The following ADGRL1 variants were observed in gnomAD, a reference collection of about 807,000 sequenced individuals.
ADGRL1 encodes the protein adhesion G protein-coupled receptor L1.
A neutral mutation model predicts 148.9 loss-of-function variants in ADGRL1; 31 were observed. The ratio of observed to expected loss-of-function variants is 0.21; its 90% confidence interval spans 0.16 to 0.28. ADGRL1 has a LOEUF of 0.28. Ranked by LOEUF, ADGRL1 falls within the 10% of genes least tolerant of loss-of-function variation. The pLI, the probability that ADGRL1 is intolerant of heterozygous loss-of-function variation, is 1.00. For synonymous variants in ADGRL1, 937 were observed against 900.3 expected (o/e 1.04, Z -0.73); for missense variants, 1,521 against 2,058.8 (o/e 0.74, Z 5.05).
At chr19:14,198,034 A>C in intron 1 of ADGRL1, among the ~76,000 whole-genome samples, 1 of 152,104 alleles carries the variant, frequency 6.6e-6, no homozygotes, top group Non-Finnish European at 1.5e-5. Flanking sequence ...TGAGGAGGTG[A>C]GCCATCTAGG....
chr19:14,152,087 C>A lies in ADGRL1; in HGVS notation c.3667+46G>T. On this transcript the variant is annotated intron_variant, in intron 22 of 22. Coordinates refer to ENST00000361434, the MANE Select transcript of ADGRL1 (RefSeq NM_014921.5). The surrounding 1 kb of genome is among the most constrained non-coding windows in gnomAD (Gnocchi z 6.1). ...GCCGTCTGAGAAGGCCACTGTCTGT[C>A]CCTCTCCCAGCCTCAGAAACATCCC... is the stretch of plus-strand genomic sequence containing the variant. 1 of 1,575,422 alleles carries A rather than the reference C, an allele frequency of 6.3e-7. No individual in the cohort carries two copies. The highest frequency in any genetic ancestry group is 8.7e-7 in the Non-Finnish European group (1 of 1,144,698).
intron 3 of ADGRL1, among the ~76,000 whole-genome samples, chr19:14,175,533 T>C (rs1425943844): frequency 6.6e-6 from 1 of 151,216 alleles, no homozygotes; most frequent in Non-Finnish European, 1.5e-5. Flanking sequence ...TATAACCACA[T>C]ATTCACCCAC....
rs1969520188 is a variant in ADGRL1, at chr19:14,162,676, C to G, written c.1125G>C (p.Gln375His). Residue 375 changes from glutamine to histidine, a missense_variant, in exon 5 of 23, where the codon CAG (glutamine) becomes CAC (histidine). By Grantham distance (24) the Gln-to-His change is conservative. Coordinates refer to ENST00000361434, the MANE Select transcript of ADGRL1 (RefSeq NM_014921.5). This position sits in a 1 kb window ranked among gnomAD's most constrained non-coding sequence, Gnocchi z 5.4. ...CGAAATAGTTGTTCCAGACGTACAG[C>G]TGGTTGTCGCGAGGGTTGTAGTCAA... ...SSVDYNPRDN[Q>H]LYVWNNYFVV... The G allele has an allele frequency of 6.2e-6, 10 of 1,614,038 alleles. No individual in the cohort carries two copies. The highest frequency in any genetic ancestry group is 8.5e-6 in the Non-Finnish European group (10 of 1,179,972).
rs147565155 is a variant in ADGRL1 at position 14,201,377 on chromosome 19, C to T, written c.-96+4608G>A. Among the ~76,000 whole-genome samples, 969 of 143,144 alleles carry T rather than the reference C, an allele frequency of 6.8e-3. 14 individuals carry two copies. Among genetic ancestry groups the T allele is most frequent in the African/African-American group, 0.023 (890 of 37,998 alleles). 93.9% of individuals were successfully genotyped at this position (143,144 alleles called of 152,430 possible). On this transcript the variant is annotated intron_variant, in intron 1 of 22. Transcript: ENST00000361434. ...GCATCTATTTATTGAATTTTTATCT[C>T]CCCCCAAATTTTGGAACAGGAGACA...
At position 14,160,117 on chromosome 19, in the gene ADGRL1, TGTA is replaced by T. The variant is rs1969199254; in HGVS notation, c.1792_1794del (p.Tyr598del). ...GCGCCACCGCCAGGCCCCACCTTGT[TGTA>T]GTTCTTGCCGGCTGACTCGCGCTCG... On this transcript the variant is annotated inframe_deletion, in exon 8 of 23. Transcript: ENST00000361434. The surrounding 1 kb of genome is among the most constrained non-coding windows in gnomAD (Gnocchi z 5.9). 3 of 1,581,350 alleles carry T rather than the reference TGTA, an allele frequency of 1.9e-6. No individual in the cohort carries two copies. Among genetic ancestry groups the T allele is most frequent in the Non-Finnish European group, 2.6e-6 (3 of 1,154,990 alleles).
Position 14,152,495 on chromosome 19 carries a change from A to G in ADGRL1, c.3520+22T>C. On this transcript the variant is annotated intron_variant, in intron 20 of 22. Transcript: ENST00000361434. The surrounding 1 kb of genome is among the most constrained non-coding windows in gnomAD (Gnocchi z 6.1). ...GGGAGCCTCCAGAGACTGAAGCCAG[A>G]GGCAGAAGGATGCCTTCTCACCTCG... is the stretch of plus-strand genomic sequence containing the variant. The G allele has an allele frequency of 6.2e-7, 1 of 1,612,928 alleles. No individual in the cohort carries two copies. Among genetic ancestry groups the G allele is most frequent in the Non-Finnish European group, 8.5e-7 (1 of 1,179,032 alleles).
At chr19:14,153,182 A>G (rs1445485616) in intron 18 of ADGRL1, among the ~76,000 whole-genome samples, 2 of 152,198 alleles carry the variant, frequency 1.3e-5, no homozygotes, top group African/African-American at 4.8e-5. Flanking sequence ...CATAAAATCA[A>G]CAGAGCATTA....
chr19:14,160,409 A>G lies in ADGRL1; in HGVS notation c.1615-112T>C, dbSNP rs1969235242. The G allele has an allele frequency of 9.3e-7, 1 of 1,070,328 alleles. No homozygotes were observed. Among genetic ancestry groups the G allele is most frequent in the Non-Finnish European group, 1.3e-6 (1 of 751,124 alleles). The allele number at this position is 1,070,328 out of a possible 1,614,324, so 66.3% of individuals were successfully genotyped here. A position where few individuals can be genotyped will look rare whatever the true frequency, so the allele number is the denominator to read the frequency against. On this transcript the variant is annotated intron_variant, in intron 7 of 22. Transcript: ENST00000361434. This position sits in a 1 kb window ranked among gnomAD's most constrained non-coding sequence, Gnocchi z 5.9. ...CTCCTATCTCTCTCTCCACTTCCCCATCGCCATCTGCCCCTTCCCACCCCA... is the reference window on the plus strand; with the variant it reads ...CTCCTATCTCTCTCTCCACTTCCCCGTCGCCATCTGCCCCTTCCCACCCCA...
intron 2 of ADGRL1, among the ~76,000 whole-genome samples, chr19:14,179,308 A>C (rs947319708): frequency 4.6e-5 from 7 of 151,880 alleles, no homozygotes; most frequent in Non-Finnish European, 8.8e-5. Flanking sequence ...TCCTGGCTAA[A>C]ACGGTGAAAC....
chr19:14,165,187 T>G (rs959034933), intron 4 of ADGRL1, among the ~76,000 whole-genome samples: 2 of 152,006 alleles, frequency 1.3e-5, no homozygotes, highest in African/African-American at 4.8e-5. Context: ...GCAGCCAGGA[T>G]GTAGTTTTTG....
In ADGRL1 at chr19:14,151,049, G is replaced by C; in HGVS notation, c.4234C>G (p.Pro1412Ala). 6.7e-7 allele frequency: 1 copy of C among 1,503,682 alleles called. No individual in the cohort carries two copies. The highest frequency in any genetic ancestry group is 8.9e-7 in the Non-Finnish European group (1 of 1,122,696). The allele number at this position is 1,503,682 out of a possible 1,614,324, so 93.1% of individuals were successfully genotyped here. The change falls in exon 23 of 23, where the codon CCC (proline) becomes GCC (alanine). Residue 1412 changes from proline (P) to alanine (A), a missense_variant. Pro to Ala is a conservative substitution (Grantham distance 27, BLOSUM62 -1). Coordinates refer to ENST00000361434, the MANE Select transcript of ADGRL1 (RefSeq NM_014921.5). Reference sequence around the variant, plus strand: ...GTGTAGTAGATTTCGGGGGGGCCGGGGGGTGCGGGAGGGGGTGGGGGCAGG... The same window carrying C: ...GTGTAGTAGATTTCGGGGGGGCCGGCGGGTGCGGGAGGGGGTGGGGGCAGG... ...EALPPPPPAPPGPPEIYYTSR... is the reference protein window; with the variant it reads ...EALPPPPPAPAGPPEIYYTSR...
intron 15 of ADGRL1, 49 bp downstream of exon 15, chr19:14,156,876 C>T: frequency 6.3e-7 from 1 of 1,591,962 alleles, no homozygotes; most frequent in East Asian, 2.3e-5. Flanking sequence ...GGGTGCCGCC[C>T]AGCAGGGAAC....
chr19:14,188,272 T>C (rs1016248369), intron 1 of ADGRL1, among the ~76,000 whole-genome samples: 1 of 151,948 alleles, frequency 6.6e-6, no homozygotes, highest in Non-Finnish European at 1.5e-5. Context: ...TTCTGCAGGG[T>C]TCTGGTAAGG....
In ADGRL1 at chr19:14,162,039, T is replaced by C. The variant is rs553070425; in HGVS notation, c.1196-413A>G. Among the ~76,000 whole-genome samples the C allele has an allele frequency of 2.6e-5, 4 of 152,268 alleles. No individual in the cohort carries two copies. The highest frequency in any genetic ancestry group is 2.1e-4 in the South Asian group (1 of 4,814). On this transcript the variant is annotated intron_variant, in intron 5 of 22. Coordinates refer to ENST00000361434, the MANE Select transcript of ADGRL1 (RefSeq NM_014921.5). This position sits in a 1 kb window ranked among gnomAD's most constrained non-coding sequence, Gnocchi z 5.4. The stretch of plus-strand genomic sequence containing the variant: ...CCTCGTTCTAGCTGACTTTGGCTTA[T>C]GTAACCTGGCTATGCTCCTTCCTTC...
intron 2 of ADGRL1, among the ~76,000 whole-genome samples, chr19:14,178,787 T>C (rs908024562): frequency 6.6e-6 from 1 of 152,180 alleles, no homozygotes; most frequent in Non-Finnish European, 1.5e-5. Flanking sequence ...GCTAGGATTA[T>C]GGGCCTGAGT....
At chr19:14,166,046 G>A (rs1487202792) in intron 4 of ADGRL1, among the ~76,000 whole-genome samples, 1 of 152,006 alleles carries the variant, frequency 6.6e-6, no homozygotes, top group Admixed American at 6.6e-5. Flanking sequence ...CATCCACTAG[G>A]GAGTTCTCTG....
At chr19:14,176,647 G>T (rs1442114889) in intron 3 of ADGRL1, among the ~76,000 whole-genome samples, 1 of 151,866 alleles carries the variant, frequency 6.6e-6, no homozygotes, top group Non-Finnish European at 1.5e-5. Flanking sequence ...GACCAGCCTG[G>T]GCAACATAGC....
intron 4 of ADGRL1, 122 bp downstream of exon 4, chr19:14,170,560 G>A (rs964344234): frequency 4.1e-5 from 26 of 628,334 alleles, no homozygotes; most frequent in African/African-American, 3.5e-4. Context: ...GAGCAGGCCC[G>A]GCTGTCCCCA....
rs193249314 is a variant in ADGRL1 at position 14,152,697 on chromosome 19, G to A, written c.3424-84C>T. The A allele has an allele frequency of 2.0e-5, 32 of 1,595,900 alleles. No individual in the cohort carries two copies. Among genetic ancestry groups the A allele is most frequent in the Admixed American group, 5.0e-5 (3 of 59,686 alleles). On this transcript the variant is annotated intron_variant, in intron 19 of 22. Transcript: ENST00000361434. This position sits in a 1 kb window ranked among gnomAD's most constrained non-coding sequence, Gnocchi z 6.1. ...CTGAGACTGCTCACCTGATCATCAC[G>A]ATCAGAAACCTAGGCCAAGCCACTC...
Sources: gnomAD v4.1 joint callset for allele counts (sites outside exome capture counted in the v4.1 genomes callset) on GRCh38, gnomAD v4.1.1 for gene constraint, Gnocchi (gnomAD v3.1) non-coding constraint, MANE v1.5 for transcripts, NCBI Gene and HGNC (gene_info 2026-07-23, HGNC 2026-07-21) for gene names.